Variants in SOWAHC observed in about 807,000 individuals in gnomAD.
SOWAHC encodes sosondowah ankyrin repeat domain family member C.
A neutral mutation model predicts 14.4 loss-of-function variants in SOWAHC; 12 were observed. The ratio of observed to expected loss-of-function variants is 0.83; its 90% CI spans 0.53 to 1.35. The LOEUF (loss-of-function observed/expected upper bound fraction) is 1.35. Ranked by LOEUF, SOWAHC falls within the 40% of genes most tolerant of loss-of-function variation. SOWAHC has a pLI of 0.00. For synonymous variants in SOWAHC, 398 were observed against 347.0 expected (o/e 1.15, Z -1.63); for missense variants, 771 against 752.8 (o/e 1.02, Z -0.28).
At position 109,618,307 on chromosome 2, in the gene SOWAHC, T is replaced by C. The variant is rs1004124351; in HGVS notation, c.*2240T>C. On this transcript the variant is annotated 3_prime_UTR_variant, in exon 1 of 1. Coordinates refer to ENST00000356454, the MANE Select transcript of SOWAHC (RefSeq NM_023016.4). Reference sequence around the variant, plus strand: ...CATAGACATGTAAAGCTGAAGTAACTCTAAAGAGCAGATGCTTCAGAACCA... The same window carrying C: ...CATAGACATGTAAAGCTGAAGTAACCCTAAAGAGCAGATGCTTCAGAACCA... 8 of 166,708 alleles carry C rather than the reference T, an allele frequency of 4.8e-5. No individual in the cohort carries two copies. The highest frequency in any genetic ancestry group is 1.2e-4 in the Non-Finnish European group (8 of 68,108). The allele number at this position is 166,708 out of a possible 1,614,324, so 10.3% of individuals were successfully genotyped here. A position where few individuals can be genotyped will look rare whatever the true frequency, so the allele number is the denominator to read the frequency against.
In SOWAHC at chr2:109,616,017, A is replaced by G. The variant is rs1343857959; in HGVS notation, c.1528A>G (p.Lys510Glu). The stretch of plus-strand genomic sequence containing the variant: ...GGGAGTGGGGGAGGAACGACCTGTT[A>G]AAGGCCACTCGCCCTTCACATTGAG... ...EEGVGEERPV[K>E]GHSPFTLRPK... Residue 510 changes from lysine to glutamate, a missense_variant, in exon 1 of 1, where the codon AAA becomes GAA. Coordinates refer to ENST00000356454, the MANE Select transcript of SOWAHC (RefSeq NM_023016.4). 4 of 1,525,892 alleles carry G rather than the reference A, an allele frequency of 2.6e-6. No individual in the cohort carries two copies. The African/African-American group carries it at 5.6e-5, about 21-fold the overall frequency. The allele number at this position is 1,525,892 out of a possible 1,614,324, so 94.5% of individuals were successfully genotyped here. A position where few individuals can be genotyped will look rare whatever the true frequency, so the allele number is the denominator to read the frequency against.
In SOWAHC at chr2:109,616,286, C is replaced by T. The variant is rs1207942111; in HGVS notation, c.*219C>T. ...CCTTGACCTGTACCTCTTCTCTGCC[C>T]TCCACTTCCCTGCCCTGGAGTCCGT... On this transcript the variant is annotated 3_prime_UTR_variant, in exon 1 of 1. Coordinates refer to ENST00000356454, the MANE Select transcript of SOWAHC (RefSeq NM_023016.4). 7.6e-6 allele frequency: 4 copies of T among 527,022 alleles called. No homozygotes were observed. Among genetic ancestry groups the T allele is most frequent in the Non-Finnish European group, 1.2e-5 (4 of 340,836 alleles). 32.6% of individuals were successfully genotyped at this position (527,022 alleles called of 1,614,324 possible).
chr2:109,614,627 G>A lies in SOWAHC; in HGVS notation c.138G>A (p.Pro46=), dbSNP rs1275120020. The change falls in exon 1 of 1, where the codon CCG becomes CCA. Residue 46 remains proline, a synonymous_variant. Coordinates refer to ENST00000356454, the MANE Select transcript of SOWAHC (RefSeq NM_023016.4). ...QHFRGALGGE[P]EQRARARAHF... Reference sequence around the variant, plus strand: ...TCAGGGGCGCCCTAGGCGGCGAACCGGAGCAGCGCGCCCGCGCCCGCGCGC... The same window carrying A: ...TCAGGGGCGCCCTAGGCGGCGAACCAGAGCAGCGCGCCCGCGCCCGCGCGC... The A allele has an allele frequency of 1.4e-6, 2 of 1,463,506 alleles. No individual in the cohort carries two copies. Among genetic ancestry groups the A allele is most frequent in the Admixed American group, 2.4e-5 (1 of 41,118 alleles). 90.7% of individuals were successfully genotyped at this position (1,463,506 alleles called of 1,614,324 possible). A position where few individuals can be genotyped will look rare whatever the true frequency, so the allele number is the denominator to read the frequency against.
chr2:109,615,271 C>A lies in SOWAHC; in HGVS notation c.782C>A (p.Ser261Tyr). The change falls in exon 1 of 1, where the codon TCC becomes TAC. Residue 261 changes from serine (S) to tyrosine (Y), a missense_variant. Physicochemically the swap from Ser to Tyr is moderately radical, Grantham distance 144 (BLOSUM62 -2). Coordinates refer to ENST00000356454, the MANE Select transcript of SOWAHC (RefSeq NM_023016.4). Reference sequence around the variant, plus strand: ...GAGGAGGAGAGCAGCGGCGGAGGCTCCGTGACGCTGGACCCCCTGGAGCAC... The same window carrying A: ...GAGGAGGAGAGCAGCGGCGGAGGCTACGTGACGCTGGACCCCCTGGAGCAC... ...SAEEESSGGG[S>Y]VTLDPLEHAW... 1.9e-6 allele frequency: 3 copies of A among 1,578,334 alleles called. No homozygotes were observed. The highest frequency in any genetic ancestry group is 2.6e-6 in the Non-Finnish European group (3 of 1,163,294).
Position 109,615,863 on chromosome 2 carries a change from C to A in SOWAHC, c.1374C>A (p.Arg458=), listed in dbSNP as rs1181666114. 1 of 1,613,916 alleles carries A rather than the reference C, an allele frequency of 6.2e-7. No individual in the cohort carries two copies. Among genetic ancestry groups the A allele is most frequent in the Non-Finnish European group, 8.5e-7 (1 of 1,179,956 alleles). The change falls in exon 1 of 1, where the codon CGC becomes CGA. Residue 458 remains arginine, a synonymous_variant. Transcript: ENST00000356454. ...WVGGKAKDPG[R]KASGSSSGRI... ...GAGGCAAAGCCAAGGATCCAGGGCGCAAAGCCTCGGGCAGCTCTAGTGGAC... is the reference window on the plus strand; with the variant it reads ...GAGGCAAAGCCAAGGATCCAGGGCGAAAAGCCTCGGGCAGCTCTAGTGGAC...
chr2:109,616,499 A>G lies in SOWAHC; in HGVS notation c.*432A>G, dbSNP rs1303036109. 1 of 167,560 alleles carries G rather than the reference A, an allele frequency of 6.0e-6. No individual in the cohort carries two copies. The highest frequency in any genetic ancestry group is 1.9e-4 in the East Asian group (1 of 5,188). The allele number at this position is 167,560 out of a possible 1,614,324, so 10.4% of individuals were successfully genotyped here. On this transcript the variant is annotated 3_prime_UTR_variant, in exon 1 of 1. Transcript: ENST00000356454. ...AAAATGCAAACTGTAATGAAACTAC[A>G]TTGTATTTCTAAGTGTGAAAACGAC...
chr2:109,614,500 C>T lies in SOWAHC; in HGVS notation c.11C>T (p.Pro4Leu). The T allele has an allele frequency of 4.8e-6, 6 of 1,248,408 alleles. No individual in the cohort carries two copies. Among genetic ancestry groups the T allele is most frequent in the Non-Finnish European group, 6.0e-6 (6 of 1,000,474 alleles). The allele number at this position is 1,248,408 out of a possible 1,614,324, so 77.3% of individuals were successfully genotyped here. A position where few individuals can be genotyped will look rare whatever the true frequency, so the allele number is the denominator to read the frequency against. Residue 4 changes from proline to leucine, a missense_variant, in exon 1 of 1, where the codon CCG becomes CTG. Physicochemically the swap from Pro to Leu is moderately conservative, Grantham distance 98. Coordinates refer to ENST00000356454, the MANE Select transcript of SOWAHC (RefSeq NM_023016.4). ...GCAGCGCGGTCGAGGATGGAGGGGCCGGCAGAGTGGGGCCCCGAGGCGGCG... is the reference window on the plus strand; with the variant it reads ...GCAGCGCGGTCGAGGATGGAGGGGCTGGCAGAGTGGGGCCCCGAGGCGGCG... MEGPAEWGPEAALG... is the reference protein window; with the variant it reads MEGLAEWGPEAALG...
rs1700101765 is a variant in SOWAHC, at chr2:109,615,503, G to A, written c.1014G>A (p.Thr338=). Reference sequence around the variant, plus strand: ...TGCCGGTGAACATCGACGCCAGGACGAGCGGGGGTTACACCGCCCTGCACT... The same window carrying A: ...TGCCGGTGAACATCGACGCCAGGACAAGCGGGGGTTACACCGCCCTGCACT... ...HQLPVNIDAR[T]SGGYTALHLA... is the part of the protein sequence containing the mutation. Residue 338 remains threonine (T), a synonymous_variant, in exon 1 of 1, where the codon ACG becomes ACA. Coordinates refer to ENST00000356454, the MANE Select transcript of SOWAHC (RefSeq NM_023016.4). 7 of 1,613,664 alleles carry A rather than the reference G, an allele frequency of 4.3e-6. No homozygotes were observed. Among genetic ancestry groups the A allele is most frequent in the African/African-American group, 1.3e-5 (1 of 74,948 alleles).
chr2:109,616,604 C>T lies in SOWAHC; in HGVS notation c.*537C>T, dbSNP rs1412246367. Reference sequence around the variant, plus strand: ...AGATCAAAGTTGAAATGCAAAAATACTAATTAGAGAATAATGTGAATAAAA... The same window carrying T: ...AGATCAAAGTTGAAATGCAAAAATATTAATTAGAGAATAATGTGAATAAAA... On this transcript the variant is annotated 3_prime_UTR_variant, in exon 1 of 1. Coordinates refer to ENST00000356454, the MANE Select transcript of SOWAHC (RefSeq NM_023016.4). 6.0e-6 allele frequency: 1 copy of T among 167,074 alleles called. No homozygotes were observed. The highest frequency in any genetic ancestry group is 2.4e-5 in the African/African-American group (1 of 41,458). 10.3% of individuals were successfully genotyped at this position (167,074 alleles called of 1,614,324 possible).
Position 109,614,410 on chromosome 2 carries a change from G to C in SOWAHC, c.-80G>C, listed in dbSNP as rs1699986141. ...GCTGAGCCCGCCAGACTCCGCCGCC[G>C]TCGGGAGCCGGCCGCTGGGAGCCCG... On this transcript the variant is annotated 5_prime_UTR_variant, in exon 1 of 1. Coordinates refer to ENST00000356454, the MANE Select transcript of SOWAHC (RefSeq NM_023016.4). The C allele has an allele frequency of 5.6e-6, 6 of 1,072,512 alleles. No individual in the cohort carries two copies. In the East Asian group the frequency reaches 2.2e-4, roughly 39 times the overall value. 66.4% of individuals were successfully genotyped at this position (1,072,512 alleles called of 1,614,324 possible).
Position 109,614,866 on chromosome 2 carries a change from C to A in SOWAHC, c.377C>A (p.Ser126Ter). The part of the protein sequence containing the change: ...DRLPDAAAPE[S>*]LPGQGRELGE... ...CTCCCCGACGCGGCGGCCCCGGAGT[C>A]GCTCCCTGGACAGGGCCGCGAGCTG... The change falls in exon 1 of 1, where the codon TCG becomes TAG. Residue 126 changes from serine to a stop codon, truncating the protein, a stop_gained. Transcript: ENST00000356454. LOFTEE classifies it low-confidence loss of function (END_TRUNC). 7.1e-7 allele frequency: 1 copy of A among 1,401,992 alleles called. No individual in the cohort carries two copies. Among genetic ancestry groups the A allele is most frequent in the Non-Finnish European group, 9.2e-7 (1 of 1,089,766 alleles). 86.8% of individuals were successfully genotyped at this position (1,401,992 alleles called of 1,614,324 possible).
In SOWAHC at chr2:109,616,480, C is replaced by A; in HGVS notation, c.*413C>A. The stretch of plus-strand genomic sequence containing the variant: ...CTCTTTCAAGAGTAACAAAAAAATG[C>A]AAACTGTAATGAAACTACATTGTAT... On this transcript the variant is annotated 3_prime_UTR_variant, in exon 1 of 1. Coordinates refer to ENST00000356454, the MANE Select transcript of SOWAHC (RefSeq NM_023016.4). 1 of 168,264 alleles carries A rather than the reference C, an allele frequency of 5.9e-6. No homozygotes were observed. Among genetic ancestry groups the A allele is most frequent in the Non-Finnish European group, 1.4e-5 (1 of 68,982 alleles). 10.4% of individuals were successfully genotyped at this position (168,264 alleles called of 1,614,324 possible).
In SOWAHC at chr2:109,615,329, G is replaced by C. The variant is rs1163527290; in HGVS notation, c.840G>C (p.Trp280Cys). ...TGCTCTCTGCCTCCGATGGCAAGTG[G>C]GACAGCCTGGAGGGCTTGCTCACCT... ...AWMLSASDGK[W>C]DSLEGLLTCE... The change falls in exon 1 of 1, where the codon TGG (tryptophan) becomes TGC (cysteine). Residue 280 changes from tryptophan (W) to cysteine (C), a missense_variant. Physicochemically the swap from Trp to Cys is radical, Grantham distance 215. Coordinates refer to ENST00000356454, the MANE Select transcript of SOWAHC (RefSeq NM_023016.4). 1 of 1,611,210 alleles carries C rather than the reference G, an allele frequency of 6.2e-7. No homozygotes were observed. Among genetic ancestry groups the C allele is most frequent in the Admixed American group, 1.7e-5 (1 of 59,810 alleles).
In SOWAHC at chr2:109,618,596, C is replaced by T. The variant is rs1424897683; in HGVS notation, c.*2529C>T. 4 of 166,962 alleles carry T rather than the reference C, an allele frequency of 2.4e-5. No individual in the cohort carries two copies. The highest frequency in any genetic ancestry group is 5.9e-5 in the Non-Finnish European group (4 of 68,096). The allele number at this position is 166,962 out of a possible 1,614,324, so 10.3% of individuals were successfully genotyped here. A position where few individuals can be genotyped will look rare whatever the true frequency, so the allele number is the denominator to read the frequency against. On this transcript the variant is annotated 3_prime_UTR_variant, in exon 1 of 1. Coordinates refer to ENST00000356454, the MANE Select transcript of SOWAHC (RefSeq NM_023016.4). ...TAGCATTTTCGGCTACTTAACTTTA[C>T]ATTCCTCTTATTTTTCAGTTTCCAG...
At position 109,616,259 on chromosome 2, in the gene SOWAHC, T is replaced by TACCTTG; in HGVS notation, c.*197_*202dup. 1.2e-6 allele frequency: 1 copy of TACCTTG among 841,722 alleles called. No individual in the cohort carries two copies. Among genetic ancestry groups the TACCTTG allele is most frequent in the Non-Finnish European group, 1.6e-6 (1 of 609,636 alleles). The allele number at this position is 841,722 out of a possible 1,614,324, so 52.1% of individuals were successfully genotyped here. A position where few individuals can be genotyped will look rare whatever the true frequency, so the allele number is the denominator to read the frequency against. ...GGATGTCTTTTTCAGAGATTCATCA[T>TACCTTG]ACCTTGACCTGTACCTCTTCTCTGC... On this transcript the variant is annotated 3_prime_UTR_variant, in exon 1 of 1. Transcript: ENST00000356454.
At position 109,614,398 on chromosome 2, in the gene SOWAHC, G is replaced by C. The variant is rs1361754266; in HGVS notation, c.-92G>C. 5 of 1,003,310 alleles carry C rather than the reference G, an allele frequency of 5.0e-6. No individual in the cohort carries two copies. Among genetic ancestry groups the C allele is most frequent in the Non-Finnish European group, 6.3e-6 (5 of 790,014 alleles). The allele number at this position is 1,003,310 out of a possible 1,614,324, so 62.2% of individuals were successfully genotyped here. A position where few individuals can be genotyped will look rare whatever the true frequency, so the allele number is the denominator to read the frequency against. ...GGCTGGCAGCCCGCTGAGCCCGCCA[G>C]ACTCCGCCGCCGTCGGGAGCCGGCC... On this transcript the variant is annotated 5_prime_UTR_variant, in exon 1 of 1. Coordinates refer to ENST00000356454, the MANE Select transcript of SOWAHC (RefSeq NM_023016.4).
chr2:109,615,351 A>T lies in SOWAHC; in HGVS notation c.862A>T (p.Thr288Ser). 2 of 1,612,506 alleles carry T rather than the reference A, an allele frequency of 1.2e-6. No individual in the cohort carries two copies. The highest frequency in any genetic ancestry group is 1.7e-6 in the Non-Finnish European group (2 of 1,179,880). ...GTGGGACAGCCTGGAGGGCTTGCTCACCTGCGAGCCCGGCCTGCTGGTCAA... is the reference window on the plus strand; with the variant it reads ...GTGGGACAGCCTGGAGGGCTTGCTCTCCTGCGAGCCCGGCCTGCTGGTCAA... ...GKWDSLEGLL[T>S]CEPGLLVKRD... is the part of the protein sequence containing the mutation. The change falls in exon 1 of 1, where the codon ACC becomes TCC. Residue 288 changes from threonine (T) to serine (S), a missense_variant. Thr to Ser is a moderately conservative substitution (Grantham distance 58, BLOSUM62 1). Coordinates refer to ENST00000356454, the MANE Select transcript of SOWAHC (RefSeq NM_023016.4).
chr2:109,617,954 G>A lies in SOWAHC; in HGVS notation c.*1887G>A, dbSNP rs1457603694. The A allele has an allele frequency of 6.1e-6, 1 of 164,552 alleles. No individual in the cohort carries two copies. Among genetic ancestry groups the A allele is most frequent in the African/African-American group, 2.5e-5 (1 of 40,692 alleles). The allele number at this position is 164,552 out of a possible 1,614,324, so 10.2% of individuals were successfully genotyped here. A position where few individuals can be genotyped will look rare whatever the true frequency, so the allele number is the denominator to read the frequency against. On this transcript the variant is annotated 3_prime_UTR_variant, in exon 1 of 1. Coordinates refer to ENST00000356454, the MANE Select transcript of SOWAHC (RefSeq NM_023016.4). ...GAATCACTTAAACCTGAGAGGTGGA[G>A]GTTGCAGTTGAGCCAAGATCACGAC...
Position 109,618,649 on chromosome 2 carries a change from T to C in SOWAHC, c.*2582T>C, listed in dbSNP as rs1261112140. On this transcript the variant is annotated 3_prime_UTR_variant, in exon 1 of 1. Coordinates refer to ENST00000356454, the MANE Select transcript of SOWAHC (RefSeq NM_023016.4). The stretch of plus-strand genomic sequence containing the variant: ...AAGATTATAAAAAGCAAATGATTGA[T>C]ATAATTTGATATTCATAGAGTTGTG... The C allele has an allele frequency of 6.0e-6, 1 of 166,958 alleles. No homozygotes were observed. The allele number at this position is 166,958 out of a possible 1,614,324, so 10.3% of individuals were successfully genotyped here.
Sources: allele counts gnomAD v4.1 joint callset, GRCh38; gene constraint gnomAD v4.1.1; transcripts MANE v1.5; gene names NCBI Gene and HGNC (gene_info 2026-07-23, HGNC 2026-07-21).